The following COL13A1 variants were observed in gnomAD, a reference collection of about 807,000 sequenced individuals.
COL13A1 encodes the protein collagen alpha-1(XIII) chain.
In COL13A1, 89 loss-of-function variants were observed where a neutral mutation model predicts 130.9. The ratio of observed to expected loss-of-function variants is 0.68; its 90% CI spans 0.57 to 0.81. The LOEUF is 0.81. Ranked by LOEUF, COL13A1 falls within the 30% of genes least tolerant of loss-of-function variation. COL13A1 has a pLI of 0.00. For synonymous variants in COL13A1, 402 were observed against 341.6 expected, an observed-to-expected ratio of 1.18 and a Z score of -1.95; for missense variants, 879 against 934.6, an observed-to-expected ratio of 0.94 and a Z score of 0.78.
At position 69,902,856 on chromosome 10, in the gene COL13A1, G is replaced by A; in HGVS notation, c.858+1G>A. ...ACTGCCAGGGCCTATGGGGCCACCT[G>A]TAAGTATTCCCTTCCTCTCTCCTTC... On this transcript the variant is annotated splice_donor_variant, in intron 15 of 40. Coordinates refer to ENST00000645393, the MANE Select transcript of COL13A1 (RefSeq NM_001368882.1). LOFTEE classifies it high-confidence loss of function. 6.6e-7 allele frequency: 1 copy of A among 1,522,208 alleles called. No homozygotes were observed. Among genetic ancestry groups the A allele is most frequent in the East Asian group, 2.5e-5 (1 of 39,718 alleles). 94.3% of individuals were successfully genotyped at this position (1,522,208 alleles called of 1,614,324 possible).
intron 38 of COL13A1, among the ~76,000 whole-genome samples, chr10:69,950,325 C>T (rs991807515): frequency 3.3e-5 from 5 of 152,194 alleles, no homozygotes; most frequent in South Asian, 2.1e-4. Flanking sequence ...GCAGGGAGAA[C>T]GCAGGCAACG....
intron 6 of COL13A1, among the ~76,000 whole-genome samples, chr10:69,880,041 G>A (rs2059970214): frequency 1.3e-5 from 2 of 152,092 alleles, no homozygotes; most frequent in Non-Finnish European, 2.9e-5. Flanking sequence ...TGCGGAGGGG[G>A]AGCTGGAAAG....
chr10:69,910,027 A>G (rs1310907594), intron 17 of COL13A1, among the ~76,000 whole-genome samples: 1 of 152,212 alleles, frequency 6.6e-6, no homozygotes, highest in Non-Finnish European at 1.5e-5. Context: ...GAAGTTGAAT[A>G]TCTGCTCAGG....
intron 22 of COL13A1, 147 bp from the exon 23 acceptor site, chr10:69,922,561 A>C: frequency 1.9e-6 from 1 of 528,890 alleles, no homozygotes. Flanking sequence ...TCTCTCTTCA[A>C]ATCCCACAGC....
chr10:69,947,464 T>C, intron 38 of COL13A1, 122 bp downstream of exon 38: 1 of 942,428 alleles, frequency 1.1e-6, no homozygotes, highest in Non-Finnish European at 1.6e-6. Context: ...CATCCTAAAT[T>C]GAAAGGCTTT....
At chr10:69,858,448 A>G (rs1857066912) in intron 2 of COL13A1, among the ~76,000 whole-genome samples, 1 of 152,248 alleles carries the variant, frequency 6.6e-6, no homozygotes, top group African/African-American at 2.4e-5. Context: ...GTAGTAAAGT[A>G]GAAATTTGAA....
At chr10:69,862,267 C>G (rs946985636) in intron 2 of COL13A1, among the ~76,000 whole-genome samples, 3 of 152,212 alleles carry the variant, frequency 2.0e-5, no homozygotes, top group African/African-American at 7.2e-5. Context: ...TTGCACCCTT[C>G]TCAGAGCCTC....
intron 8 of COL13A1, 60 bp downstream of exon 8, chr10:69,887,551 A>T: frequency 1.9e-6 from 3 of 1,571,644 alleles, no homozygotes; most frequent in Admixed American, 1.7e-5. Context: ...TGATTGGGTT[A>T]AACTTCATCT....
At chr10:69,850,103 A>G (rs1854319259) in intron 2 of COL13A1, among the ~76,000 whole-genome samples, 1 of 152,098 alleles carries the variant, frequency 6.6e-6, no homozygotes, top group South Asian at 2.1e-4. Context: ...AGGTGGAGGG[A>G]GGCGCTGATC....
At chr10:69,889,941 A>G (rs2061004633) in intron 10 of COL13A1, among the ~76,000 whole-genome samples, 1 of 152,098 alleles carries the variant, frequency 6.6e-6, no homozygotes, top group East Asian at 1.9e-4. Flanking sequence ...TGGGGGTGCC[A>G]CATGCATCAT....
At chr10:69,845,792 C>T (rs1015788647) in intron 2 of COL13A1, among the ~76,000 whole-genome samples, 1 of 152,230 alleles carries the variant, frequency 6.6e-6, no homozygotes, top group Non-Finnish European at 1.5e-5. Flanking sequence ...TGCAGATGCC[C>T]AGGTCAGACC....
intron 6 of COL13A1, among the ~76,000 whole-genome samples, chr10:69,879,872 C>T (rs183902977): frequency 6.8e-4 from 104 of 152,254 alleles, no homozygotes; most frequent in Middle Eastern, 3.4e-3. Context: ...ATTCTGAAAC[C>T]GGGACTAGGG....
rs1565015713 is a variant in COL13A1, at chr10:69,905,821, A to C, written c.920A>C (p.Lys307Thr). 6.2e-7 allele frequency: 1 copy of C among 1,613,726 alleles called. No individual in the cohort carries two copies. Among genetic ancestry groups the C allele is most frequent in the East Asian group, 2.2e-5 (1 of 44,860 alleles). ...DPGIQGYHGRKGERGMPGMPG... is the reference protein window; with the variant it reads ...DPGIQGYHGRTGERGMPGMPG... ...GGGATCCAGGGCTACCACGGCCGGAAGGTAAGATGGAGGGGGAGGACCCAA... is the reference window on the plus strand; with the variant it reads ...GGGATCCAGGGCTACCACGGCCGGACGGTAAGATGGAGGGGGAGGACCCAA... Residue 307 changes from lysine to threonine, a missense_variant and splice_region_variant, in exon 17 of 41, where the codon AAG (lysine) becomes ACG (threonine). By Grantham distance (78) the Lys-to-Thr change is moderately conservative. Coordinates refer to ENST00000645393, the MANE Select transcript of COL13A1 (RefSeq NM_001368882.1).
At chr10:69,873,894 G>A (rs1372252706) in intron 4 of COL13A1, among the ~76,000 whole-genome samples, 1 of 152,182 alleles carries the variant, frequency 6.6e-6, no homozygotes, top group Non-Finnish European at 1.5e-5. Context: ...AGCTGTGCTA[G>A]GCTTTACACA....
At chr10:69,860,659 C>G (rs182371724) in intron 2 of COL13A1, 3 of 148,020 alleles carry the variant, frequency 2.0e-5, no homozygotes, top group East Asian at 7.4e-4. Flanking sequence ...CTGGGCATCA[C>G]CCTCCATCCC....
chr10:69,870,509 C>G (rs1304090884), intron 3 of COL13A1, among the ~76,000 whole-genome samples: 1 of 144,872 alleles, frequency 6.9e-6, no homozygotes, highest in Non-Finnish European at 1.5e-5. Flanking sequence ...TTTTTAGAGA[C>G]GGGGTTTTGC....
intron 2 of COL13A1, among the ~76,000 whole-genome samples, chr10:69,865,524 G>C (rs2058437297): frequency 6.6e-6 from 1 of 152,120 alleles, no homozygotes; most frequent in Non-Finnish European, 1.5e-5. Context: ...TCCCTAACAG[G>C]GGAAAAAAGG....
At position 69,898,753 on chromosome 10, in the gene COL13A1, G is replaced by A; in HGVS notation, c.741G>A (p.Arg247=). The A allele has an allele frequency of 1.9e-6, 3 of 1,613,146 alleles. No individual in the cohort carries two copies. Among genetic ancestry groups the A allele is most frequent in the Non-Finnish European group, 2.5e-6 (3 of 1,179,492 alleles). Residue 247 remains arginine, a synonymous_variant, in exon 14 of 41, where the codon CGG becomes CGA. Transcript: ENST00000645393. ...CTCCACCCCCGGTCATAAAAAGGCG[G>A]ACGTTCCAGGTAGACACCTCCCGTT... ...RLAPPPVIKR[R]TFQGEQSQAS...
chr10:69,837,260 G>A (rs1488989936), intron 2 of COL13A1, among the ~76,000 whole-genome samples: 1 of 152,222 alleles, frequency 6.6e-6, no homozygotes, highest in Non-Finnish European at 1.5e-5. Flanking sequence ...AATGATCCTG[G>A]CTGGTGTCGG....
Sources: allele counts gnomAD v4.1 joint callset (sites outside exome capture counted in the v4.1 genomes callset), GRCh38; gene constraint gnomAD v4.1.1; transcripts MANE v1.5; gene names NCBI Gene and HGNC (gene_info 2026-07-23, HGNC 2026-07-21).